SLC24A4: variants seen among roughly 807,000 people sequenced by gnomAD.
The protein encoded by SLC24A4 is sodium/potassium/calcium exchanger 4.
A neutral mutation model predicts 79.0 loss-of-function variants in SLC24A4; 53 were observed. That is an observed-to-expected ratio of 0.67 (90% confidence interval 0.54 to 0.84). The LOEUF (loss-of-function observed/expected upper bound fraction) is 0.84, where lower values mean the gene tolerates loss of function less well. SLC24A4 is among the 40% of genes least tolerant of loss of function. The pLI is 0.00. For synonymous variants in SLC24A4, 323 were observed against 323.8 expected, an observed-to-expected ratio of 1.00 and a Z score of 0.03; for missense variants, 731 against 822.0, an observed-to-expected ratio of 0.89 and a Z score of 1.35.
rs1467820670 is a variant in SLC24A4 at position 92,490,628 on chromosome 14, T to G, written c.1538-1037T>G. 6.6e-6 allele frequency among the ~76,000 whole-genome samples: 1 copy of G among 152,216 alleles called. No homozygotes were observed. The highest frequency in any genetic ancestry group is 2.4e-5 in the African/African-American group (1 of 41,450). ...GGGACCTTGGGCCGCCTGCAAACTG[T>G]GCCCTTGGGCACATCCCAAGCCTCA... On this transcript the variant is annotated intron_variant, in intron 14 of 16. Transcript: ENST00000532405. This position sits in a 1 kb window ranked among gnomAD's most constrained non-coding sequence, Gnocchi z 4.3.
chr14:92,369,884 G>A (rs1888055037), intron 2 of SLC24A4, among the ~76,000 whole-genome samples: 1 of 152,204 alleles, frequency 6.6e-6, no homozygotes. Context: ...ATTTGTCCTT[G>A]GTTGACTCAT....
At chr14:92,369,091 G>A (rs116218567) in intron 2 of SLC24A4, among the ~76,000 whole-genome samples, 2,433 of 152,254 alleles carry the variant, frequency 0.016, 64 homozygotes, top group African/African-American at 0.055. Context: ...CAATGAGGCC[G>A]TCAGCCCTAG....
At chr14:92,483,095 G>C (rs1006108590) in intron 13 of SLC24A4, among the ~76,000 whole-genome samples, 7 of 152,286 alleles carry the variant, frequency 4.6e-5, no homozygotes, top group African/African-American at 1.7e-4. Context: ...CTTTGCACAG[G>C]CAGCCTAAAT....
At chr14:92,368,923 C>G (rs1385700771) in intron 2 of SLC24A4, among the ~76,000 whole-genome samples, 2 of 152,178 alleles carry the variant, frequency 1.3e-5, no homozygotes, top group African/African-American at 4.8e-5. Context: ...CCCTGCTCAG[C>G]TCCCTACCCA....
intron 2 of SLC24A4, among the ~76,000 whole-genome samples, chr14:92,347,627 G>A (rs376334997): frequency 6.6e-6 from 1 of 152,026 alleles, no homozygotes; most frequent in African/African-American, 2.4e-5. Flanking sequence ...GAAGTATTTG[G>A]GTTATAAAAA....
chr14:92,370,310 G>A (rs1170009730), intron 2 of SLC24A4, among the ~76,000 whole-genome samples: 1 of 152,196 alleles, frequency 6.6e-6, no homozygotes, highest in African/African-American at 2.4e-5. Context: ...CATGAACTGT[G>A]TGACTTTCGA....
intron 2 of SLC24A4, among the ~76,000 whole-genome samples, chr14:92,334,637 G>A (rs1402240098): frequency 6.6e-6 from 1 of 152,174 alleles, no homozygotes; most frequent in Non-Finnish European, 1.5e-5. Context: ...CTGTCTGTCT[G>A]TCTTGAAGAT....
intron 12 of SLC24A4, among the ~76,000 whole-genome samples, chr14:92,473,339 T>TCTCA (rs1216592185): frequency 2.6e-5 from 4 of 152,186 alleles, no homozygotes; most frequent in African/African-American, 9.7e-5. Flanking sequence ...ACTGGTTTAG[T>TCTCA]CTCAGTCTCT....
At chr14:92,395,826 A>T (rs938223368) in intron 2 of SLC24A4, among the ~76,000 whole-genome samples, 1 of 151,838 alleles carries the variant, frequency 6.6e-6, no homozygotes, top group Admixed American at 6.6e-5. Flanking sequence ...TTTATTATTT[A>T]TTTATTTATT....
At chr14:92,349,009 G>C (rs1277965760) in intron 2 of SLC24A4, among the ~76,000 whole-genome samples, 1 of 151,942 alleles carries the variant, frequency 6.6e-6, no homozygotes. Context: ...CACGCTGCAG[G>C]CTCTGGGAAT....
intron 12 of SLC24A4, among the ~76,000 whole-genome samples, chr14:92,477,672 C>T (rs1030295004): frequency 6.6e-6 from 1 of 152,164 alleles, no homozygotes; most frequent in Non-Finnish European, 1.5e-5. Flanking sequence ...CCAGGCTGGT[C>T]TTGAACTCCT....
intron 12 of SLC24A4, among the ~76,000 whole-genome samples, chr14:92,469,669 T>G (rs1420521102): frequency 6.6e-6 from 1 of 152,048 alleles, no homozygotes; most frequent in African/African-American, 2.4e-5. Context: ...AATTCAAATA[T>G]CCATAAAGTG....
intron 2 of SLC24A4, among the ~76,000 whole-genome samples, chr14:92,339,637 C>T (rs528233678): frequency 2.0e-5 from 3 of 152,226 alleles, no homozygotes; most frequent in African/African-American, 7.2e-5. Flanking sequence ...ACGGTGGGCG[C>T]GGGTGGGTAT....
intron 2 of SLC24A4, among the ~76,000 whole-genome samples, chr14:92,345,799 A>C (rs566642008): frequency 9.2e-5 from 14 of 152,212 alleles, no homozygotes; most frequent in Admixed American, 9.2e-4. Context: ...TAGGGCACCC[A>C]CCCCCTGTAT....
chr14:92,405,681 G>A (rs892697483), intron 2 of SLC24A4, among the ~76,000 whole-genome samples: 3 of 152,060 alleles, frequency 2.0e-5, no homozygotes, highest in Non-Finnish European at 4.4e-5. Context: ...GAGAGAGAAG[G>A]GGGAGCTTCC....
At chr14:92,371,930 C>T (rs1296525840) in intron 2 of SLC24A4, among the ~76,000 whole-genome samples, 1 of 152,140 alleles carries the variant, frequency 6.6e-6, no homozygotes, top group African/African-American at 2.4e-5. Flanking sequence ...TGCAGCCTCC[C>T]ATCTTCTCTC....
At chr14:92,447,042 C>T (rs1034963525) in intron 8 of SLC24A4, among the ~76,000 whole-genome samples, 2 of 152,182 alleles carry the variant, frequency 1.3e-5, no homozygotes, top group African/African-American at 4.8e-5. Context: ...TGACTTCAGG[C>T]CACGCCACTA....
intron 2 of SLC24A4, among the ~76,000 whole-genome samples, chr14:92,402,785 G>A (rs574635528): frequency 2.0e-5 from 3 of 152,220 alleles, no homozygotes; most frequent in Non-Finnish European, 4.4e-5. Flanking sequence ...CATGAGGACA[G>A]TGCAGGAAAG....
intron 2 of SLC24A4, among the ~76,000 whole-genome samples, chr14:92,339,609 G>A (rs753403701): frequency 6.6e-6 from 1 of 152,202 alleles, no homozygotes; most frequent in African/African-American, 2.4e-5. Flanking sequence ...TAGGCGGAGG[G>A]TCCCCCTGGC....
Sources: gnomAD v4.1 joint callset for allele counts (sites outside exome capture counted in the v4.1 genomes callset) on GRCh38, gnomAD v4.1.1 for gene constraint, Gnocchi (gnomAD v3.1) non-coding constraint, MANE v1.5 for transcripts, NCBI Gene and HGNC (gene_info 2026-07-23, HGNC 2026-07-21) for gene names.